SLC12A8: variants seen among roughly 807,000 people sequenced by gnomAD.
SLC12A8 encodes the protein solute carrier family 12 member 8.
A neutral mutation model predicts 75.6 loss-of-function variants in SLC12A8; 69 were observed. The observed-to-expected ratio is 0.91, with a 90% CI of 0.75 to 1.11. SLC12A8 has a LOEUF of 1.11. SLC12A8 is among the 50% of genes most tolerant of loss of function. The pLI, the probability that SLC12A8 is intolerant of heterozygous loss-of-function variation, is 0.00. For missense variants in SLC12A8, 877 were observed against 896.7 expected (o/e 0.98, Z 0.28); for synonymous variants, 365 against 372.8 (o/e 0.98, Z 0.24).
intron 2 of SLC12A8, among the ~76,000 whole-genome samples, chr3:125,207,191 C>T (rs1935242797): frequency 6.6e-6 from 1 of 152,150 alleles, no homozygotes; most frequent in African/African-American, 2.4e-5. Context: ...GCTCCCACGG[C>T]CTGCAGCGGG....
At chr3:125,127,588 C>T (rs1933240594) in intron 6 of SLC12A8, among the ~76,000 whole-genome samples, 1 of 152,128 alleles carries the variant, frequency 6.6e-6, no homozygotes, top group Non-Finnish European at 1.5e-5. Context: ...AAATTAGGAA[C>T]AAGGCTTTGG....
intron 5 of SLC12A8, among the ~76,000 whole-genome samples, chr3:125,156,011 C>T (rs578259816): frequency 2.0e-4 from 31 of 152,214 alleles, no homozygotes; most frequent in South Asian, 1.5e-3. Context: ...GTGAGCCAGA[C>T]GTGATTTTCA....
At chr3:125,197,277 C>A (rs775160760) in intron 2 of SLC12A8, among the ~76,000 whole-genome samples, 1 of 126,884 alleles carries the variant, frequency 7.9e-6, no homozygotes, top group Admixed American at 8.7e-5. Flanking sequence ...TCCATACAGA[C>A]ATAAATAAAT....
At chr3:125,104,879 A>C (rs1402355747) in intron 10 of SLC12A8, among the ~76,000 whole-genome samples, 1 of 152,204 alleles carries the variant, frequency 6.6e-6, no homozygotes, top group Non-Finnish European at 1.5e-5. Flanking sequence ...GACCCCAGCA[A>C]CCACATGTTG....
chr3:125,198,373 C>A (rs966968772), intron 2 of SLC12A8, among the ~76,000 whole-genome samples: 2 of 151,984 alleles, frequency 1.3e-5, no homozygotes, highest in African/African-American at 2.4e-5. Context: ...GTGGCTCAGG[C>A]CTATAATCCC....
At chr3:125,148,669 G>A (rs1055613284) in intron 5 of SLC12A8, among the ~76,000 whole-genome samples, 2 of 152,078 alleles carry the variant, frequency 1.3e-5, no homozygotes, top group Non-Finnish European at 2.9e-5. Flanking sequence ...CAGGCTGCTC[G>A]CACCACAGAG....
At chr3:125,152,965 A>G (rs1015360945) in intron 5 of SLC12A8, among the ~76,000 whole-genome samples, 1 of 152,142 alleles carries the variant, frequency 6.6e-6, no homozygotes, top group African/African-American at 2.4e-5. Context: ...GGGAGGAAGA[A>G]AGAAAGGGAG....
At chr3:125,137,814 C>G (rs1933529126) in intron 5 of SLC12A8, among the ~76,000 whole-genome samples, 1 of 152,210 alleles carries the variant, frequency 6.6e-6, no homozygotes, top group South Asian at 2.1e-4. Flanking sequence ...GATAATGAGT[C>G]ACTTGGCTCC....
rs377070015 is a variant in SLC12A8 at position 125,198,290 on chromosome 3, A to T, written c.52-7769T>A. 1.5e-4 allele frequency among the ~76,000 whole-genome samples: 23 copies of T among 152,110 alleles called. 1 individual carries two copies. In the South Asian group the frequency reaches 2.5e-3, roughly 16 times the overall value. The stretch of plus-strand genomic sequence containing the variant: ...AAAAACAAAACAGTCAAGGTCATAA[A>T]AGACAAAGAAAGGCCAAGGGACTAT... On this transcript the variant is annotated intron_variant, in intron 2 of 13. Coordinates refer to ENST00000469902, the MANE Select transcript of SLC12A8 (RefSeq NM_024628.6).
At position 125,135,733 on chromosome 3, in the gene SLC12A8, C is replaced by T; in HGVS notation, c.672G>A (p.Leu224=). 6.2e-7 allele frequency: 1 copy of T among 1,610,592 alleles called. No individual in the cohort carries two copies. Among genetic ancestry groups the T allele is most frequent in the Non-Finnish European group, 8.5e-7 (1 of 1,177,868 alleles). Residue 224 remains leucine (L), a synonymous_variant, in exon 6 of 14, where the codon CTG becomes CTA. Coordinates refer to ENST00000469902, the MANE Select transcript of SLC12A8 (RefSeq NM_024628.6). ...AAGATTCCCCCGGGCTGTAATCGGG[C>T]AGCGTGTTGTTCTGTAGCAGTTCGG... ...YSPELLQNNT[L]PDYSPGESFF...
chr3:125,179,360 A>T (rs1934603775), intron 4 of SLC12A8, among the ~76,000 whole-genome samples: 1 of 152,162 alleles, frequency 6.6e-6, no homozygotes, highest in African/African-American at 2.4e-5. Flanking sequence ...TACCTCTTCA[A>T]ATACTTGCAT....
intron 1 of SLC12A8, 125 bp downstream of exon 1, chr3:125,212,575 G>A (rs1935358212): frequency 6.6e-6 from 1 of 152,632 alleles, no homozygotes; most frequent in South Asian, 2.1e-4. Context: ...GGCGGTAGGA[G>A]AGGATCCACC....
At chr3:125,175,903 G>T (rs1934516633) in intron 5 of SLC12A8, among the ~76,000 whole-genome samples, 1 of 152,150 alleles carries the variant, frequency 6.6e-6, no homozygotes, top group Admixed American at 6.5e-5. Flanking sequence ...TTAGGTGCCG[G>T]ATCGTTGGGG....
chr3:125,187,633 C>A (rs945048693), intron 3 of SLC12A8, among the ~76,000 whole-genome samples: 4 of 152,112 alleles, frequency 2.6e-5, no homozygotes, highest in African/African-American at 9.7e-5. Context: ...AAGGAAGCGT[C>A]CTGGCTGCAA....
intron 2 of SLC12A8, 80 bp from the exon 3 acceptor site, chr3:125,190,601 G>T: frequency 2.0e-6 from 3 of 1,525,376 alleles, no homozygotes; most frequent in South Asian, 1.2e-5. Flanking sequence ...CAGGAGGAGG[G>T]AGGTAGGAGA....
intron 10 of SLC12A8, among the ~76,000 whole-genome samples, chr3:125,106,107 T>C (rs1246503709): frequency 6.6e-6 from 1 of 152,112 alleles, no homozygotes; most frequent in Non-Finnish European, 1.5e-5. Context: ...ATATTTTTGG[T>C]TCAAAGTGGG....
chr3:125,177,567 G>A (rs2107788302), intron 5 of SLC12A8, among the ~76,000 whole-genome samples, 176 bp downstream of exon 5: 1 of 152,136 alleles, frequency 6.6e-6, no homozygotes, highest in East Asian at 1.9e-4. Flanking sequence ...GGAGCTTCTA[G>A]CCTCATGAAG....
intron 2 of SLC12A8, among the ~76,000 whole-genome samples, chr3:125,201,702 GAA>G (rs141256499): frequency 0.011 from 1,061 of 95,540 alleles, 6 homozygotes; most frequent in African/African-American, 0.031. Flanking sequence ...AGCCATGATT[GAA>G]AAAAAAAAAA....
chr3:125,155,494 G>T (rs2945115), intron 5 of SLC12A8, among the ~76,000 whole-genome samples: 4 of 151,832 alleles, frequency 2.6e-5, no homozygotes, highest in Non-Finnish European at 5.9e-5. Flanking sequence ...AGTTTGAGCC[G>T]GGCGCGGTGG....
Sources: gnomAD v4.1 joint callset for allele counts (sites outside exome capture counted in the v4.1 genomes callset) on GRCh38, gnomAD v4.1.1 for gene constraint, MANE v1.5 for transcripts, NCBI Gene and HGNC (gene_info 2026-07-23, HGNC 2026-07-21) for gene names.